Variants in SLCO3A1 observed in about 807,000 individuals in gnomAD.
The protein encoded by SLCO3A1 is solute carrier organic anion transporter family member 3A1.
SLCO3A1 carries 27 observed loss-of-function variants against 63.1 expected under a neutral mutation model. The observed-to-expected ratio is 0.43, with a 90% confidence interval of 0.32 to 0.59. The LOEUF is 0.59. Ranked by LOEUF, SLCO3A1 falls within the 20% of genes least tolerant of loss-of-function variation. The pLI, the probability that SLCO3A1 is intolerant of heterozygous loss-of-function variation, is 0.09. For missense variants in SLCO3A1, 773 were observed against 945.8 expected, an observed-to-expected ratio of 0.82 and a Z score of 2.40; for synonymous variants, 473 against 409.9, an observed-to-expected ratio of 1.15 and a Z score of -1.86.
intron 7 of SLCO3A1, among the ~76,000 whole-genome samples, chr15:92,142,577 T>C (rs964879093): frequency 6.6e-6 from 1 of 152,204 alleles, no homozygotes; most frequent in Non-Finnish European, 1.5e-5. Context: ...TTTCAACATA[T>C]GGATTCTTGG....
chr15:91,914,878 A>G (rs572350720), intron 1 of SLCO3A1, among the ~76,000 whole-genome samples: 23 of 151,990 alleles, frequency 1.5e-4, no homozygotes, highest in Admixed American at 1.4e-3. Context: ...GGCCCCAGCT[A>G]TTTTCTCTTC....
chr15:91,919,885 G>C (rs1898786551), intron 2 of SLCO3A1, among the ~76,000 whole-genome samples: 1 of 151,958 alleles, frequency 6.6e-6, no homozygotes, highest in Non-Finnish European at 1.5e-5. Context: ...AGAATAATTA[G>C]AGAATATTGT....
In SLCO3A1 at chr15:91,942,183, G is replaced by A. The variant is rs982780584; in HGVS notation, c.646+25725G>A. On this transcript the variant is annotated intron_variant, in intron 2 of 9. Coordinates refer to ENST00000318445, the MANE Select transcript of SLCO3A1 (RefSeq NM_013272.4). This position sits in a 1 kb window ranked among gnomAD's most constrained non-coding sequence, Gnocchi z 4.1. ...AAAATTTTACTTGTAGAAATAAAAA[G>A]GTGGCACCTCTGTCATTTACCCCTC... is the stretch of plus-strand genomic sequence containing the variant. Among the ~76,000 whole-genome samples, 6 of 151,646 alleles carry A rather than the reference G, an allele frequency of 4.0e-5. No homozygotes were observed. The highest frequency in any genetic ancestry group is 5.9e-5 in the Non-Finnish European group (4 of 68,008).
At position 91,853,737 on chromosome 15, in the gene SLCO3A1, G is replaced by GATGCAGGGGAAGA; in HGVS notation, c.-171_-170insTGCAGGGGAAGAA. ...TCGCGGCGGCGGCGGCGGCGGCGAGGAGCTGTGCCTTCCACCTCTCCAGCC... is the reference window on the plus strand; with the variant it reads ...TCGCGGCGGCGGCGGCGGCGGCGAGGATGCAGGGGAAGAAGCTGTGCCTTCCACCTCTCCAGCC... On this transcript the variant is annotated 5_prime_UTR_variant, in exon 1 of 10. In the 5' UTR this introduces an upstream ATG that the reference lacks. Transcript: ENST00000318445. 1 of 579,396 alleles carries GATGCAGGGGAAGA rather than the reference G, an allele frequency of 1.7e-6. No homozygotes were observed. Among genetic ancestry groups the GATGCAGGGGAAGA allele is most frequent in the Non-Finnish European group, 2.2e-6 (1 of 448,222 alleles). The allele number at this position is 579,396 out of a possible 1,614,324, so 35.9% of individuals were successfully genotyped here.
chr15:91,972,860 C>T (rs1487567981), intron 2 of SLCO3A1, among the ~76,000 whole-genome samples: 2 of 152,192 alleles, frequency 1.3e-5, no homozygotes, highest in African/African-American at 4.8e-5. Context: ...GTGGCTCATG[C>T]CTGTAATCCC....
At chr15:91,939,584 G>A (rs1291799021) in intron 2 of SLCO3A1, among the ~76,000 whole-genome samples, 7 of 152,142 alleles carry the variant, frequency 4.6e-5, no homozygotes, top group African/African-American at 1.4e-4. Context: ...CCACGCTGCT[G>A]CCAGCTCCAG....
intron 7 of SLCO3A1, among the ~76,000 whole-genome samples, chr15:92,130,504 A>T (rs956967686): frequency 2.6e-5 from 4 of 152,224 alleles, no homozygotes; most frequent in Non-Finnish European, 5.9e-5. Flanking sequence ...GCAGATCTCT[A>T]GATGCCCTGG....
chr15:92,007,625 G>A (rs537951444), intron 2 of SLCO3A1, among the ~76,000 whole-genome samples: 26 of 152,254 alleles, frequency 1.7e-4, no homozygotes, highest in Non-Finnish European at 3.1e-4. Flanking sequence ...TTTAATTGAC[G>A]CTAAGAACCT....
Position 91,853,862 on chromosome 15 carries a change from A to C in SLCO3A1, c.-47A>C. ...GGCAGCGGCCCCGACACCCGGGGCGAGCGGGAAAGCGGCAGCGGCGGCGGC... is the reference window on the plus strand; with the variant it reads ...GGCAGCGGCCCCGACACCCGGGGCGCGCGGGAAAGCGGCAGCGGCGGCGGC... On this transcript the variant is annotated 5_prime_UTR_variant, in exon 1 of 10. Transcript: ENST00000318445. 1 of 1,237,112 alleles carries C rather than the reference A, an allele frequency of 8.1e-7. No individual in the cohort carries two copies. Among genetic ancestry groups the C allele is most frequent in the Non-Finnish European group, 1.0e-6 (1 of 995,934 alleles). 76.6% of individuals were successfully genotyped at this position (1,237,112 alleles called of 1,614,324 possible).
rs542459686 is a variant in SLCO3A1, at chr15:92,080,938, C to CTGTGTGTGTGTG, written c.647-13907_647-13896dup. On this transcript the variant is annotated intron_variant, in intron 2 of 9. Coordinates refer to ENST00000318445, the MANE Select transcript of SLCO3A1 (RefSeq NM_013272.4). ...TTTCATTTTTATGGATACATAGTAG[C>CTGTGTGTGTGTG]TGTGTGTGTGTGTGTGTGTGTGTGT... 3.4e-3 allele frequency among the ~76,000 whole-genome samples: 433 copies of CTGTGTGTGTGTG among 128,942 alleles called. 8 individuals are homozygous for CTGTGTGTGTGTG. Among genetic ancestry groups the CTGTGTGTGTGTG allele is most frequent in the South Asian group, 4.9e-3 (19 of 3,900 alleles). 84.6% of individuals were successfully genotyped at this position (128,942 alleles called of 152,430 possible). A position where few individuals can be genotyped will look rare whatever the true frequency, so the allele number is the denominator to read the frequency against.
At chr15:91,874,118 T>C (rs1267754211) in intron 1 of SLCO3A1, among the ~76,000 whole-genome samples, 1 of 152,166 alleles carries the variant, frequency 6.6e-6, no homozygotes, top group Non-Finnish European at 1.5e-5. Flanking sequence ...TATGATAAAG[T>C]TTAATTTATA....
intron 5 of SLCO3A1, among the ~76,000 whole-genome samples, chr15:92,121,042 A>G (rs1046119833): frequency 1.3e-5 from 2 of 151,424 alleles, no homozygotes; most frequent in African/African-American, 2.4e-5. Context: ...TACACTCCCT[A>G]CTCCTCCCTG....
At chr15:91,867,154 C>G (rs1194843394) in intron 1 of SLCO3A1, among the ~76,000 whole-genome samples, 1 of 152,218 alleles carries the variant, frequency 6.6e-6, no homozygotes, top group African/African-American at 2.4e-5. Context: ...CTCTCTCGGC[C>G]AAGCTTGGAT....
At chr15:92,053,133 C>T in intron 2 of SLCO3A1, among the ~76,000 whole-genome samples, 1 of 152,084 alleles carries the variant, frequency 6.6e-6, no homozygotes, top group East Asian at 1.9e-4. Context: ...ATGTGCCAGG[C>T]ACCGTGTAGA....
At chr15:92,160,127 G>C (rs1455739106) in intron 9 of SLCO3A1, among the ~76,000 whole-genome samples, 3 of 152,056 alleles carry the variant, frequency 2.0e-5, no homozygotes, top group African/African-American at 7.2e-5. Context: ...CTCAAGAAAG[G>C]TCACAAGGAG....
intron 1 of SLCO3A1, among the ~76,000 whole-genome samples, chr15:91,911,165 A>G (rs1390101116): frequency 6.6e-6 from 1 of 152,208 alleles, no homozygotes; most frequent in Non-Finnish European, 1.5e-5. Context: ...CACTTTCCAG[A>G]AGGTGAGGCT....
At chr15:92,017,206 C>T (rs1347164118) in intron 2 of SLCO3A1, among the ~76,000 whole-genome samples, 1 of 151,394 alleles carries the variant, frequency 6.6e-6, no homozygotes, top group Non-Finnish European at 1.5e-5. Flanking sequence ...GGGTTAAGAT[C>T]TGGTTATTGG....
chr15:91,869,277 T>C (rs1167183231), intron 1 of SLCO3A1, among the ~76,000 whole-genome samples: 1 of 152,138 alleles, frequency 6.6e-6, no homozygotes, highest in Non-Finnish European at 1.5e-5. Context: ...GGCTTATGTC[T>C]GTAATCCCAG....
intron 2 of SLCO3A1, among the ~76,000 whole-genome samples, chr15:92,015,709 T>C (rs1352732844): frequency 6.6e-6 from 1 of 152,082 alleles, no homozygotes; most frequent in Admixed American, 6.5e-5. Flanking sequence ...AACAGGCTGC[T>C]AAGGGTAACT....
Sources: allele counts gnomAD v4.1 joint callset (sites outside exome capture counted in the v4.1 genomes callset), GRCh38; gene constraint gnomAD v4.1.1; non-coding constraint Gnocchi (gnomAD v3.1); transcripts MANE v1.5; gene names NCBI Gene and HGNC (gene_info 2026-07-23, HGNC 2026-07-21).